The following MTUS2 variants were observed in gnomAD, a reference collection of about 807,000 sequenced individuals.
MTUS2 encodes the protein microtubule associated scaffold protein 2.
MTUS2 carries 40 observed loss-of-function variants against 114.1 expected under a neutral mutation model. The observed-to-expected ratio is 0.35, with a 90% CI of 0.27 to 0.46. MTUS2 has a LOEUF of 0.46. MTUS2 is among the 20% of genes least tolerant of loss of function. The probability of loss-of-function intolerance (pLI) is 1.00; values close to 1 mark genes in which losing one functional copy is unlikely to be tolerated. For synonymous variants in MTUS2, 688 were observed against 672.0 expected (o/e 1.02, Z -0.37); for missense variants, 1,679 against 1,705.4 (o/e 0.98, Z 0.27).
At chr13:29,359,827 C>A (rs1870077148) in intron 8 of MTUS2, among the ~76,000 whole-genome samples, 2 of 152,148 alleles carry the variant, frequency 1.3e-5, no homozygotes, top group Admixed American at 1.3e-4. Flanking sequence ...GAGATGGTCA[C>A]TTTCCGACAT....
chr13:28,854,272 C>T (rs1233317866), intron 2 of MTUS2, among the ~76,000 whole-genome samples: 1 of 152,198 alleles, frequency 6.6e-6, no homozygotes, highest in Middle Eastern at 3.2e-3. Flanking sequence ...TTCTGTGCAT[C>T]TGAAACCAGG....
At chr13:29,390,971 C>T (rs748184673) in intron 8 of MTUS2, among the ~76,000 whole-genome samples, 4 of 152,020 alleles carry the variant, frequency 2.6e-5, no homozygotes, top group Admixed American at 6.5e-5. Context: ...TTAGTAGAGA[C>T]GGGGTTTCAC....
intron 2 of MTUS2, among the ~76,000 whole-genome samples, chr13:28,910,960 C>G (rs1880386299): frequency 1.4e-5 from 2 of 143,438 alleles, no homozygotes; most frequent in Non-Finnish European, 1.5e-5. Context: ...AGTGCAAGCT[C>G]TGCCTCCCAG....
intron 2 of MTUS2, among the ~76,000 whole-genome samples, chr13:28,856,757 T>C (rs1876653535): frequency 6.6e-6 from 1 of 152,224 alleles, no homozygotes; most frequent in South Asian, 2.1e-4. Context: ...ATGACTACTT[T>C]TCATTGGCTG....
intron 2 of MTUS2, among the ~76,000 whole-genome samples, chr13:28,976,991 T>C (rs1177146973): frequency 6.6e-6 from 1 of 152,166 alleles, no homozygotes; most frequent in Non-Finnish European, 1.5e-5. Flanking sequence ...GGTTTTATGA[T>C]ATACCCTTCC....
At chr13:29,426,376 G>C (rs137865064) in intron 8 of MTUS2, among the ~76,000 whole-genome samples, 1 of 152,172 alleles carries the variant, frequency 6.6e-6, no homozygotes, top group Non-Finnish European at 1.5e-5. Context: ...TGTAAGTCAA[G>C]GAGTTTTCTG....
At chr13:29,065,270 G>A (rs554373610) in intron 4 of MTUS2, among the ~76,000 whole-genome samples, 78 of 152,146 alleles carry the variant, frequency 5.1e-4, no homozygotes, top group African/African-American at 1.8e-3. Context: ...TTCCTTTTTC[G>A]CCACAACCTT....
At chr13:29,126,288 A>G (rs905490064) in intron 5 of MTUS2, among the ~76,000 whole-genome samples, 30 of 152,142 alleles carry the variant, frequency 2.0e-4, no homozygotes, top group African/African-American at 7.2e-4. Context: ...ACGTGTAGTC[A>G]CATCCTGTGC....
intron 7 of MTUS2, among the ~76,000 whole-genome samples, chr13:29,340,033 G>T (rs1412834743): frequency 6.6e-6 from 1 of 152,258 alleles, no homozygotes; most frequent in Non-Finnish European, 1.5e-5. Context: ...TGCTGAGCTT[G>T]GTGACCGTTG....
chr13:28,886,684 A>T (rs1044793204), intron 2 of MTUS2, among the ~76,000 whole-genome samples: 1 of 152,212 alleles, frequency 6.6e-6, no homozygotes, highest in African/African-American at 2.4e-5. Context: ...TTGAGCAGAC[A>T]GAAGTGTAAA....
chr13:29,282,674 A>G (rs1230951910), intron 6 of MTUS2, among the ~76,000 whole-genome samples: 1 of 152,214 alleles, frequency 6.6e-6, no homozygotes, highest in Non-Finnish European at 1.5e-5. Flanking sequence ...CTAATTCACC[A>G]TAGATGGCTC....
At chr13:29,465,419 T>TA (rs1265342950) in intron 9 of MTUS2, among the ~76,000 whole-genome samples, 1 of 152,196 alleles carries the variant, frequency 6.6e-6, no homozygotes, top group Non-Finnish European at 1.5e-5. Flanking sequence ...CCCATGCTCT[T>TA]AGACACTTGT....
At chr13:29,234,077 T>G (rs924209964) in intron 5 of MTUS2, among the ~76,000 whole-genome samples, 47 of 152,210 alleles carry the variant, frequency 3.1e-4, no homozygotes, top group African/African-American at 1.1e-3. Flanking sequence ...AGTACATAAA[T>G]TGGCTTTTCT....
At chr13:28,946,559 C>CCAG (rs1882545295) in intron 2 of MTUS2, among the ~76,000 whole-genome samples, 1 of 152,134 alleles carries the variant, frequency 6.6e-6, no homozygotes, top group South Asian at 2.1e-4. Context: ...CTGGGGGTTC[C>CCAG]TATGATCTTC....
At chr13:29,443,662 G>A (rs1467929620) in intron 9 of MTUS2, among the ~76,000 whole-genome samples, 2 of 152,206 alleles carry the variant, frequency 1.3e-5, no homozygotes, top group African/African-American at 2.4e-5. Context: ...GGGGAATGTG[G>A]GGATCAACTG....
At position 29,154,000 on chromosome 13, in the gene MTUS2, A is replaced by G. The variant is rs1892762468; in HGVS notation, c.2644+53030A>G. 2.0e-5 allele frequency among the ~76,000 whole-genome samples: 3 copies of G among 152,168 alleles called. No homozygotes were observed. In the South Asian group the frequency reaches 6.2e-4, roughly 32 times the overall value. On this transcript the variant is annotated intron_variant, in intron 5 of 15. Coordinates refer to ENST00000612955, the MANE Select transcript of MTUS2 (RefSeq NM_001033602.4). Reference sequence around the variant, plus strand: ...AAAACAGTCAGGGGCATCCAAAAGAATCTACTTGTCCCTGTTCAGAAGGTG... The same window carrying G: ...AAAACAGTCAGGGGCATCCAAAAGAGTCTACTTGTCCCTGTTCAGAAGGTG...
chr13:29,302,542 C>T (rs1899251151), intron 6 of MTUS2, among the ~76,000 whole-genome samples: 1 of 152,164 alleles, frequency 6.6e-6, no homozygotes, highest in Admixed American at 6.5e-5. Context: ...GAGCTGAATC[C>T]AGGGTGCCAA....
chr13:29,485,616 A>AT (rs1881551256), intron 10 of MTUS2, among the ~76,000 whole-genome samples: 1 of 152,202 alleles, frequency 6.6e-6, no homozygotes, highest in South Asian at 2.1e-4. Context: ...GGAATATATC[A>AT]TGCCATTACA....
chr13:28,898,901 A>G (rs1158408793), intron 2 of MTUS2, among the ~76,000 whole-genome samples: 1 of 152,214 alleles, frequency 6.6e-6, no homozygotes, highest in South Asian at 2.1e-4. Context: ...TTTGCCTGCC[A>G]TATGGGTGCT....
Sources: allele counts gnomAD v4.1 joint callset (sites outside exome capture counted in the v4.1 genomes callset), GRCh38; gene constraint gnomAD v4.1.1; transcripts MANE v1.5; gene names NCBI Gene and HGNC (gene_info 2026-07-23, HGNC 2026-07-21).